CELF4: variants seen among roughly 807,000 people sequenced by gnomAD.
CELF4 encodes CUGBP Elav-like family member 4, also known as CUG-BP- and ETR-3-like factor 4.
CELF4 carries 18 observed loss-of-function variants against 59.9 expected under a neutral mutation model. That is an observed-to-expected ratio of 0.30 (90% CI 0.21 to 0.45). The LOEUF (loss-of-function observed/expected upper bound fraction) is 0.45. CELF4 is among the 20% of genes least tolerant of loss of function. The probability of loss-of-function intolerance (pLI) is 1.00; values close to 1 mark genes in which losing one functional copy is unlikely to be tolerated. For synonymous variants in CELF4, 261 were observed against 267.1 expected, an observed-to-expected ratio of 0.98 and a Z score of 0.22; for missense variants, 456 against 689.0, an observed-to-expected ratio of 0.66 and a Z score of 3.79.
intron 1 of CELF4, among the ~76,000 whole-genome samples, chr18:37,520,420 T>C (rs2099956001): frequency 6.6e-6 from 1 of 152,206 alleles, no homozygotes; most frequent in Non-Finnish European, 1.5e-5. Context: ...AGAGGCACTG[T>C]TTGACCAAGC....
At chr18:37,537,922 C>G (rs1603643666) in intron 1 of CELF4, among the ~76,000 whole-genome samples, 1 of 152,238 alleles carries the variant, frequency 6.6e-6, no homozygotes, top group South Asian at 2.1e-4. Flanking sequence ...GGTGTCCCAT[C>G]ATGGGCTCAC....
chr18:37,286,942 G>GT (rs1569530508), intron 3 of CELF4, among the ~76,000 whole-genome samples: 1 of 152,126 alleles, frequency 6.6e-6, no homozygotes, highest in Admixed American at 6.5e-5. Flanking sequence ...CCAGAAGAAC[G>GT]TTGTCTTATG....
At chr18:37,472,552 G>A (rs2099836423) in intron 2 of CELF4, among the ~76,000 whole-genome samples, 2 of 152,262 alleles carry the variant, frequency 1.3e-5, no homozygotes, top group Admixed American at 1.3e-4. Flanking sequence ...AGCTTTGCAT[G>A]CTTCATGCTA....
chr18:37,274,154 G>A, intron 6 of CELF4, 157 bp downstream of exon 6: 1 of 1,463,720 alleles, frequency 6.8e-7, no homozygotes, highest in South Asian at 1.5e-5. Context: ...CCCTTCTGAA[G>A]TTAAACCCCC....
intron 2 of CELF4, among the ~76,000 whole-genome samples, chr18:37,437,592 G>T (rs2099697131): frequency 1.3e-5 from 2 of 152,122 alleles, no homozygotes; most frequent in Admixed American, 1.3e-4. Context: ...CCAAGGTAAG[G>T]CATTAGAGTG....
chr18:37,334,582 G>C (rs2097693681), intron 2 of CELF4, among the ~76,000 whole-genome samples: 1 of 152,000 alleles, frequency 6.6e-6, no homozygotes, highest in African/African-American at 2.4e-5. Context: ...GTGTTATCCA[G>C]GGCCCAGTCT....
intron 2 of CELF4, among the ~76,000 whole-genome samples, chr18:37,464,625 A>G (rs906815520): frequency 2.0e-5 from 3 of 152,070 alleles, no homozygotes; most frequent in Non-Finnish European, 4.4e-5. Context: ...TTTCTCAGAC[A>G]GGCTGGCTGA....
intron 2 of CELF4, among the ~76,000 whole-genome samples, chr18:37,376,591 T>G (rs2098972272): frequency 6.6e-6 from 1 of 152,156 alleles, no homozygotes. Flanking sequence ...AAGGCCCCCC[T>G]CCATTTCTGT....
chr18:37,447,036 G>C (rs2099749992), intron 2 of CELF4, among the ~76,000 whole-genome samples: 1 of 152,134 alleles, frequency 6.6e-6, no homozygotes, highest in South Asian at 2.1e-4. Context: ...TGTGTGATCA[G>C]TTGCAGAAAT....
chr18:37,557,370 C>T (rs2099985126), intron 1 of CELF4, among the ~76,000 whole-genome samples: 1 of 152,216 alleles, frequency 6.6e-6, no homozygotes, highest in Admixed American at 6.5e-5. Flanking sequence ...GCACCCTGCC[C>T]TCGGTGCACA....
intron 2 of CELF4, among the ~76,000 whole-genome samples, chr18:37,399,290 G>A (rs770937118): frequency 1.3e-5 from 2 of 152,090 alleles, no homozygotes; most frequent in African/African-American, 4.8e-5. Flanking sequence ...GAATGTTCCC[G>A]TGAGAGTGGG....
At chr18:37,436,467 A>T (rs760630437) in intron 2 of CELF4, among the ~76,000 whole-genome samples, 1 of 152,176 alleles carries the variant, frequency 6.6e-6, no homozygotes, top group Admixed American at 6.5e-5. Flanking sequence ...GGCTGGGGTA[A>T]ATCAAGCAGG....
At chr18:37,373,997 A>T (rs1259247847) in intron 2 of CELF4, among the ~76,000 whole-genome samples, 1 of 152,246 alleles carries the variant, frequency 6.6e-6, no homozygotes, top group Non-Finnish European at 1.5e-5. Flanking sequence ...AGCTCTCACC[A>T]AATGAAAAAT....
chr18:37,453,111 C>T (rs1313475784), intron 2 of CELF4, among the ~76,000 whole-genome samples: 1 of 152,262 alleles, frequency 6.6e-6, no homozygotes, highest in Non-Finnish European at 1.5e-5. Flanking sequence ...CGGGTTCCCT[C>T]TACCTGGAAT....
intron 8 of CELF4, 29 bp downstream of exon 8, chr18:37,270,739 C>A: frequency 6.2e-7 from 1 of 1,612,844 alleles, no homozygotes; most frequent in South Asian, 1.1e-5. Flanking sequence ...GTGCTGCATA[C>A]GGAAATAAGT....
intron 2 of CELF4, among the ~76,000 whole-genome samples, chr18:37,426,150 C>G (rs542996848): frequency 2.6e-5 from 4 of 152,214 alleles, no homozygotes; most frequent in Admixed American, 1.3e-4. Flanking sequence ...GACCTGCCCC[C>G]AAGCACAGGT....
intron 2 of CELF4, among the ~76,000 whole-genome samples, chr18:37,332,342 G>A (rs1007986270): frequency 1.3e-5 from 2 of 152,160 alleles, no homozygotes; most frequent in Non-Finnish European, 2.9e-5. Context: ...TGCAGCCCAC[G>A]TAGCCTCACT....
intron 2 of CELF4, among the ~76,000 whole-genome samples, chr18:37,387,021 G>A (rs545231589): frequency 2.6e-5 from 4 of 152,334 alleles, no homozygotes; most frequent in Admixed American, 2.6e-4. Context: ...GAGACGGCAC[G>A]CACGGGGCTG....
rs187152953 is a variant in CELF4, at chr18:37,245,095, T to C, written c.*147A>G. 3.9e-5 allele frequency: 6 copies of C among 152,610 alleles called. No individual in the cohort carries two copies. Among genetic ancestry groups the C allele is most frequent in the Admixed American group, 2.0e-4 (3 of 15,288 alleles). The allele number at this position is 152,610 out of a possible 1,614,324, so 9.5% of individuals were successfully genotyped here. On this transcript the variant is annotated 3_prime_UTR_variant, in exon 13 of 13. Coordinates refer to ENST00000420428, the MANE Select transcript of CELF4 (RefSeq NM_020180.4). This position sits in a 1 kb window ranked among gnomAD's most constrained non-coding sequence, Gnocchi z 4.1. ...ACAGTGTCTGGAGTCTTCAGCTTGATTGATATTGGCTGATATGTCAAAGGT... is the reference window on the plus strand; with the variant it reads ...ACAGTGTCTGGAGTCTTCAGCTTGACTGATATTGGCTGATATGTCAAAGGT...
Sources: allele counts gnomAD v4.1 joint callset (sites outside exome capture counted in the v4.1 genomes callset), GRCh38; gene constraint gnomAD v4.1.1; non-coding constraint Gnocchi (gnomAD v3.1); transcripts MANE v1.5; gene names NCBI Gene and HGNC (gene_info 2026-07-23, HGNC 2026-07-21).